The following VAPA variants were observed in gnomAD, a reference collection of about 807,000 sequenced individuals.
VAPA encodes the protein VAMP associated protein A, also known as vesicle-associated membrane protein-associated protein A.
In VAPA, 6 loss-of-function variants were observed where a neutral mutation model predicts 25.6. The observed-to-expected ratio is 0.23, with a 90% CI of 0.13 to 0.46. VAPA has a LOEUF of 0.46. VAPA is among the 20% of genes least tolerant of loss of function. The pLI is 0.99. For missense variants in VAPA, 244 were observed against 302.1 expected, an observed-to-expected ratio of 0.81 and a Z score of 1.43; for synonymous variants, 112 against 106.2, an observed-to-expected ratio of 1.05 and a Z score of -0.34.
intron 1 of VAPA, among the ~76,000 whole-genome samples, chr18:9,922,416 T>C (rs567103821): frequency 1.3e-5 from 2 of 152,228 alleles, no homozygotes; most frequent in Non-Finnish European, 2.9e-5. Context: ...AGTAATTCTT[T>C]GATATCCTCT....
At chr18:9,914,595 C>G (rs1300188027) in intron 1 of VAPA, 2 of 162,562 alleles carry the variant, frequency 1.2e-5, no homozygotes, top group East Asian at 3.5e-4. Flanking sequence ...GGAGCCCGGC[C>G]CTGGCGCCGC....
intron 4 of VAPA, among the ~76,000 whole-genome samples, chr18:9,940,343 C>T (rs138874578): frequency 6.6e-6 from 1 of 151,980 alleles, no homozygotes; most frequent in Non-Finnish European, 1.5e-5. Context: ...TTTCCAGGTC[C>T]AGACCTGGAA....
Position 9,931,978 on chromosome 18 carries a change from C to G in VAPA, c.232+16C>G, listed in dbSNP as rs201558165. The G allele has an allele frequency of 6.5e-7, 1 of 1,544,358 alleles. No individual in the cohort carries two copies. The highest frequency in any genetic ancestry group is 8.8e-7 in the Non-Finnish European group (1 of 1,137,668). ...ACTGTTTCAGGTAGCAAATCATGTT[C>G]TGAATTTATGTACATTTGAATTTTG... On this transcript the variant is annotated intron_variant, in intron 2 of 5. Transcript: ENST00000400000.
Position 9,914,146 on chromosome 18 carries a change from G to C in VAPA, c.-111G>C. 1.1e-6 allele frequency: 1 copy of C among 941,106 alleles called. No individual in the cohort carries two copies. Among genetic ancestry groups the C allele is most frequent in the Non-Finnish European group, 1.5e-6 (1 of 656,292 alleles). 58.3% of individuals were successfully genotyped at this position (941,106 alleles called of 1,614,324 possible). A position where few individuals can be genotyped will look rare whatever the true frequency, so the allele number is the denominator to read the frequency against. ...CGGCAGGCGTTAGGGCTCGGGAGCC[G>C]CGAGCCTGGCCTCGTCCTAGAGCTC... On this transcript the variant is annotated 5_prime_UTR_variant, in exon 1 of 6. Transcript: ENST00000400000.
rs1402388944 is a variant in VAPA, at chr18:9,955,614, A to AT, written c.*1404dup. The AT allele has an allele frequency of 6.6e-6, 1 of 152,158 alleles. No individual in the cohort carries two copies. The highest frequency in any genetic ancestry group is 1.5e-5 in the Non-Finnish European group (1 of 68,012). 9.4% of individuals were successfully genotyped at this position (152,158 alleles called of 1,614,324 possible). ...AAAGGAAATTGGATTTTAGAACTGG[A>AT]TGTGGTGCAGTGAAGTATTTTAGGC... On this transcript the variant is annotated 3_prime_UTR_variant, in exon 6 of 6. Transcript: ENST00000400000.
chr18:9,919,241 A>G (rs1365813464), intron 1 of VAPA, among the ~76,000 whole-genome samples: 3 of 152,212 alleles, frequency 2.0e-5, no homozygotes, highest in Non-Finnish European at 4.4e-5. Context: ...ATGCATATCT[A>G]ATAATTAAAA....
chr18:9,936,177 T>C lies in VAPA; in HGVS notation c.300T>C (p.Ile100=). The C allele has an allele frequency of 6.2e-7, 1 of 1,606,816 alleles. No homozygotes were observed. The highest frequency in any genetic ancestry group is 2.2e-5 in the East Asian group (1 of 44,564). ...KSKHKFMVQT[I]FAPPNTSDME... ...AACACAAGTTTATGGTACAGACAAT[T>C]TTTGCTCCACCAAACACTTCAGATA... is the stretch of plus-strand genomic sequence containing the variant. The change falls in exon 3 of 6, where the codon ATT becomes ATC. Residue 100 remains isoleucine (I), a synonymous_variant. Transcript: ENST00000400000.
Position 9,922,739 on chromosome 18 carries a change from G to A in VAPA, c.79+8404G>A, listed in dbSNP as rs1436377622. On this transcript the variant is annotated intron_variant, in intron 1 of 5. Transcript: ENST00000400000. ...ATTGAGAGAAAAAAGGCAGAGAAAC[G>A]TAGGCAGAGAGGTCTTTTGATCCCA... 3.3e-5 allele frequency among the ~76,000 whole-genome samples: 5 copies of A among 152,048 alleles called. 1 individual carries two copies. The highest frequency in any genetic ancestry group is 2.0e-4 in the Admixed American group (3 of 15,264).
intron 1 of VAPA, among the ~76,000 whole-genome samples, chr18:9,931,204 G>A (rs552010209): frequency 6.6e-6 from 1 of 152,262 alleles, no homozygotes; most frequent in African/African-American, 2.4e-5. Context: ...CTTTTCTTCA[G>A]CAAAATGGAT....
At position 9,957,691 on chromosome 18, in the gene VAPA, G is replaced by A. The variant is rs2069565320; in HGVS notation, c.*3480G>A. 6.6e-6 allele frequency: 1 copy of A among 152,198 alleles called. No individual in the cohort carries two copies. Among genetic ancestry groups the A allele is most frequent in the African/African-American group, 2.4e-5 (1 of 41,458 alleles). The allele number at this position is 152,198 out of a possible 1,614,324, so 9.4% of individuals were successfully genotyped here. ...CCATTCATGAATAAACTTTAAAAAT[G>A]TGAAGTGTCCTTTTCCTTTTCACAA... is the stretch of plus-strand genomic sequence containing the variant. On this transcript the variant is annotated 3_prime_UTR_variant, in exon 6 of 6. Transcript: ENST00000400000.
intron 5 of VAPA, among the ~76,000 whole-genome samples, chr18:9,952,577 A>C (rs1435090554): frequency 1.3e-5 from 2 of 151,614 alleles, no homozygotes; most frequent in Non-Finnish European, 1.5e-5. Flanking sequence ...AAAAAAAAAA[A>C]AAACAAAACC....
At chr18:9,931,556 A>G (rs754414205) in intron 1 of VAPA, among the ~76,000 whole-genome samples, 8 of 152,216 alleles carry the variant, frequency 5.3e-5, no homozygotes, top group Non-Finnish European at 1.0e-4. Flanking sequence ...CCAAAGTTTC[A>G]TAGTACTTTT....
chr18:9,914,448 C>G (rs1398891103), intron 1 of VAPA, 113 bp downstream of exon 1: 2 of 909,082 alleles, frequency 2.2e-6, no homozygotes, highest in Non-Finnish European at 3.1e-6. Flanking sequence ...CGCCCCCTCC[C>G]CCACGCCCCG....
intron 1 of VAPA, among the ~76,000 whole-genome samples, chr18:9,925,539 C>A (rs1258746686): frequency 1.3e-5 from 2 of 152,032 alleles, no homozygotes; most frequent in African/African-American, 4.8e-5. Flanking sequence ...AATATTTCTT[C>A]AGTACCTACT....
chr18:9,914,241 C>G lies in VAPA; in HGVS notation c.-16C>G, dbSNP rs573723992. 1 of 1,575,570 alleles carries G rather than the reference C, an allele frequency of 6.3e-7. No homozygotes were observed. The highest frequency in any genetic ancestry group is 1.1e-5 in the South Asian group (1 of 87,484). On this transcript the variant is annotated 5_prime_UTR_variant, in exon 1 of 6. Transcript: ENST00000400000. ...CCGCCGCCGCGGGCGCGCCCCCGCT[C>G]TGCGCTGTCTCTCCGATGGCGTCCG...
chr18:9,927,660 G>A (rs148188637), intron 1 of VAPA, among the ~76,000 whole-genome samples: 91 of 152,174 alleles, frequency 6.0e-4, no homozygotes, highest in African/African-American at 2.2e-3. Context: ...AAGGAGGCAG[G>A]CCAGTCTCAC....
chr18:9,946,084 G>A (rs1195893949), intron 4 of VAPA, among the ~76,000 whole-genome samples: 1 of 151,990 alleles, frequency 6.6e-6, no homozygotes, highest in Non-Finnish European at 1.5e-5. Context: ...CCAATTCCTA[G>A]TTCCCTCTTT....
intron 5 of VAPA, among the ~76,000 whole-genome samples, chr18:9,951,795 CTG>C (rs1178090000): frequency 2.0e-5 from 3 of 152,312 alleles, no homozygotes; most frequent in African/African-American, 7.2e-5. Flanking sequence ...ATTAAAGGCA[CTG>C]TGTTTTAAGT....
intron 4 of VAPA, among the ~76,000 whole-genome samples, chr18:9,940,110 G>C (rs1470723700): frequency 6.6e-6 from 1 of 152,164 alleles, no homozygotes; most frequent in African/African-American, 2.4e-5. Context: ...ATCCCACCTC[G>C]TGATGTACAG....
Sources: allele counts gnomAD v4.1 joint callset (sites outside exome capture counted in the v4.1 genomes callset), GRCh38; gene constraint gnomAD v4.1.1; transcripts MANE v1.5; gene names NCBI Gene and HGNC (gene_info 2026-07-23, HGNC 2026-07-21).